ZNF536: variants seen among roughly 807,000 people sequenced by gnomAD.
The protein encoded by ZNF536 is zinc finger protein 536.
A neutral mutation model predicts 84.5 loss-of-function variants in ZNF536; 13 were observed. The observed-to-expected ratio is 0.15, with a 90% CI of 0.10 to 0.24. The LOEUF is 0.24. Among genes scored for constraint, ZNF536 ranks in the 10% least tolerant of loss-of-function variants. The probability of loss-of-function intolerance (pLI) is 1.00; values close to 1 mark genes in which losing one functional copy is unlikely to be tolerated. For missense variants in ZNF536, 1,536 were observed against 1,747.5 expected (o/e 0.88, Z 2.16); for synonymous variants, 811 against 742.5 (o/e 1.09, Z -1.50).
At chr19:30,676,470 C>T (rs187036170) in intron 1 of ZNF536, among the ~76,000 whole-genome samples, 4 of 152,228 alleles carry the variant, frequency 2.6e-5, no homozygotes, top group African/African-American at 9.6e-5. Flanking sequence ...TCTGTATTTG[C>T]AAAAATCCAT....
intron 1 of ZNF536, among the ~76,000 whole-genome samples, chr19:30,429,531 A>C (rs780476608): frequency 5.3e-5 from 8 of 152,156 alleles, no homozygotes; most frequent in Non-Finnish European, 1.0e-4. Flanking sequence ...CCTCCTCTGC[A>C]CCAGGCACTA....
intron 1 of ZNF536, among the ~76,000 whole-genome samples, chr19:30,420,545 C>T (rs1490856329): frequency 6.6e-6 from 1 of 152,216 alleles, no homozygotes; most frequent in Non-Finnish European, 1.5e-5. Context: ...AGAGCTGCTT[C>T]TTGTGTGTTA....
intron 1 of ZNF536, among the ~76,000 whole-genome samples, chr19:30,638,294 AT>A (rs1410505671): frequency 6.6e-6 from 1 of 152,140 alleles, no homozygotes; most frequent in Non-Finnish European, 1.5e-5. Context: ...TCTGTTCTAG[AT>A]TTGCTATAAG....
chr19:30,467,353 G>A (rs1407956006), intron 2 of ZNF536, among the ~76,000 whole-genome samples: 1 of 152,168 alleles, frequency 6.6e-6, no homozygotes, highest in Non-Finnish European at 1.5e-5. Context: ...CCACATATAA[G>A]TAGAATCACA....
chr19:30,468,662 C>T (rs1051296762), intron 2 of ZNF536, among the ~76,000 whole-genome samples: 2 of 151,912 alleles, frequency 1.3e-5, no homozygotes, highest in Non-Finnish European at 2.9e-5. Context: ...AGGCACGGAG[C>T]AGCATGGAGG....
chr19:30,319,159 T>C (rs927374009), intron 2 of ZNF536, among the ~76,000 whole-genome samples: 1 of 152,220 alleles, frequency 6.6e-6, no homozygotes, highest in African/African-American at 2.4e-5. Context: ...TTCTGGGAGT[T>C]ACAGGGTCCG....
At chr19:30,226,116 A>T (rs1465390013), upstream of ZNF536, among the ~76,000 whole-genome samples, 1 of 150,444 alleles carries the variant, frequency 6.6e-6, no homozygotes, top group Non-Finnish European at 1.5e-5. This position sits in a 1 kb window ranked among gnomAD's most constrained non-coding sequence, Gnocchi z 4.6. Flanking sequence ...CCGGCGCGCG[A>T]TCGGGACCCC....
intron 1 of ZNF536, among the ~76,000 whole-genome samples, chr19:30,398,521 T>A (rs574120103): frequency 6.6e-6 from 1 of 152,290 alleles, no homozygotes; most frequent in Non-Finnish European, 1.5e-5. Flanking sequence ...ATATTTCTCC[T>A]AATGCTATCC....
At chr19:30,252,988 G>A (rs905039108) in intron 1 of ZNF536, among the ~76,000 whole-genome samples, 6 of 152,156 alleles carry the variant, frequency 3.9e-5, no homozygotes, top group Non-Finnish European at 7.4e-5. Flanking sequence ...TGATGATGAT[G>A]GTGATGGTGA....
intron 3 of ZNF536, among the ~76,000 whole-genome samples, chr19:30,355,948 C>T (rs186462994): frequency 1.1e-4 from 17 of 152,158 alleles, no homozygotes; most frequent in South Asian, 2.1e-4. Flanking sequence ...AAAAAGCCTG[C>T]GGACAGCTGG....
chr19:30,548,477 A>G lies in ZNF536; in HGVS notation c.2858A>G (p.Asp953Gly), dbSNP rs577673729. ...CCTTCCATGAAAGTCCACGGAGTGG[A>G]TGGTGGTGAGGAGAAACCCAGTGGC... ...DPPSMKVHGVDGGEEKPSGKS... is the reference protein window; with the variant it reads ...DPPSMKVHGVGGGEEKPSGKS... Residue 953 changes from aspartate to glycine, a missense_variant, in exon 4 of 5, where the codon GAT (aspartate) becomes GGT (glycine). Coordinates refer to ENST00000355537, the MANE Select transcript of ZNF536 (RefSeq NM_014717.3). 64 of 1,614,174 alleles carry G rather than the reference A, an allele frequency of 4.0e-5. No individual in the cohort carries two copies. In the Admixed American group the frequency reaches 5.5e-4, roughly 14 times the overall value.
chr19:30,403,929 C>T (rs578124199), intron 1 of ZNF536, among the ~76,000 whole-genome samples: 28 of 152,044 alleles, frequency 1.8e-4, no homozygotes, highest in African/African-American at 6.3e-4. Flanking sequence ...TCCACTTGGC[C>T]GAAGAACTCA....
chr19:30,417,890 G>T (rs1446746213), intron 1 of ZNF536, among the ~76,000 whole-genome samples: 4 of 152,028 alleles, frequency 2.6e-5, no homozygotes, highest in African/African-American at 9.7e-5. Flanking sequence ...CTCCCAAATA[G>T]GTGACATGTC....
At chr19:30,421,476 G>A (rs952228870) in intron 1 of ZNF536, among the ~76,000 whole-genome samples, 1 of 152,120 alleles carries the variant, frequency 6.6e-6, no homozygotes. Flanking sequence ...TAGCCTCCCA[G>A]TTCCTGGCCT....
intron 2 of ZNF536, among the ~76,000 whole-genome samples, chr19:30,530,380 C>T (rs2044756064): frequency 1.3e-5 from 2 of 151,402 alleles, no homozygotes; most frequent in African/African-American, 4.9e-5. Context: ...GAGTTTCGCT[C>T]TTGTTGCCCA....
At chr19:30,256,875 A>G (rs994840743) in intron 1 of ZNF536, among the ~76,000 whole-genome samples, 1 of 152,244 alleles carries the variant, frequency 6.6e-6, no homozygotes, top group Non-Finnish European at 1.5e-5. Context: ...TAAAGTGACA[A>G]CATTTACAAC....
intron 1 of ZNF536, among the ~76,000 whole-genome samples, chr19:30,426,912 G>A (rs939140138): frequency 6.6e-6 from 1 of 152,118 alleles, no homozygotes; most frequent in Non-Finnish European, 1.5e-5. Context: ...TTGTCTGTGT[G>A]CATTATTTCT....
intron 2 of ZNF536, among the ~76,000 whole-genome samples, chr19:30,315,332 CGAAGGCTTCCTGGAGGAGGCAGTCAGG>C (rs1568325956): frequency 6.6e-6 from 1 of 152,102 alleles, no homozygotes; most frequent in South Asian, 2.1e-4. Flanking sequence ...AGTAGGGAGG[CGAAGGCTTCCTGGAGGAGGCAGTCAGG>C]GAAGACTTCC....
chr19:30,248,059 C>T (rs76881924), intron 1 of ZNF536, among the ~76,000 whole-genome samples: 1,733 of 152,206 alleles, frequency 0.011, 31 homozygotes, highest in African/African-American at 0.039. Context: ...ACAAAAGAGC[C>T]ACATGTACAG....
Sources: gnomAD v4.1 joint callset for allele counts (sites outside exome capture counted in the v4.1 genomes callset) on GRCh38, gnomAD v4.1.1 for gene constraint, Gnocchi (gnomAD v3.1) non-coding constraint, MANE v1.5 for transcripts, NCBI Gene and HGNC (gene_info 2026-07-23, HGNC 2026-07-21) for gene names.